The following CTDSPL variants were observed in gnomAD, a reference collection of about 807,000 sequenced individuals.
CTDSPL encodes CTD small phosphatase-like protein.
In CTDSPL, 8 loss-of-function variants were observed where a neutral mutation model predicts 30.5. That is an observed-to-expected ratio of 0.26 (90% CI 0.15 to 0.47). The LOEUF (loss-of-function observed/expected upper bound fraction) is 0.47. CTDSPL is among the 20% of genes least tolerant of loss of function. The pLI is 0.99. For missense variants in CTDSPL, 248 were observed against 366.1 expected (o/e 0.68, Z 2.63); for synonymous variants, 110 against 137.9 (o/e 0.80, Z 1.42).
chr3:37,945,578 T>A (rs1020990656), intron 1 of CTDSPL, among the ~76,000 whole-genome samples: 2 of 152,190 alleles, frequency 1.3e-5, no homozygotes, highest in African/African-American at 4.8e-5. Context: ...TGCCTGGCGG[T>A]CCCAATGGCC....
At chr3:37,980,291 C>T (rs1699474887) in intron 7 of CTDSPL, among the ~76,000 whole-genome samples, 2 of 152,138 alleles carry the variant, frequency 1.3e-5, no homozygotes, top group Admixed American at 1.3e-4. Flanking sequence ...TGTAATATTG[C>T]ACAGTGACCC....
chr3:37,895,982 C>T (rs1052723110), intron 1 of CTDSPL, among the ~76,000 whole-genome samples: 7 of 152,194 alleles, frequency 4.6e-5, no homozygotes, highest in South Asian at 4.1e-4. Flanking sequence ...CTTTTTGATT[C>T]CATGTACACA....
intron 1 of CTDSPL, among the ~76,000 whole-genome samples, chr3:37,885,909 C>T (rs1698257669): frequency 1.3e-5 from 2 of 152,204 alleles, no homozygotes; most frequent in Admixed American, 6.5e-5. Context: ...ACTGAAACTA[C>T]AGCCAAGCAA....
intron 1 of CTDSPL, among the ~76,000 whole-genome samples, chr3:37,933,794 A>G (rs912738731): frequency 6.6e-6 from 1 of 152,230 alleles, no homozygotes; most frequent in African/African-American, 2.4e-5. Flanking sequence ...TTACGAATAC[A>G]TATGGAGCTG....
intron 1 of CTDSPL, among the ~76,000 whole-genome samples, chr3:37,878,720 C>T (rs183253064): frequency 1.2e-4 from 19 of 152,278 alleles, no homozygotes; most frequent in Non-Finnish European, 2.5e-4. Context: ...GGACTTTCTT[C>T]ACTCTTTATT....
chr3:37,937,082 A>T (rs890788562), intron 1 of CTDSPL, among the ~76,000 whole-genome samples: 9 of 150,424 alleles, frequency 6.0e-5, no homozygotes, highest in Non-Finnish European at 1.3e-4. Context: ...AGAAGGAAAG[A>T]GACATCAGTC....
intron 2 of CTDSPL, among the ~76,000 whole-genome samples, chr3:37,955,851 T>C (rs1407581884): frequency 6.6e-6 from 1 of 152,200 alleles, no homozygotes; most frequent in Admixed American, 6.5e-5. Context: ...ATAAAAGTTT[T>C]TTTAAAAGTA....
intron 5 of CTDSPL, chr3:37,969,281 C>T (rs893532081): frequency 2.2e-5 from 10 of 452,336 alleles, no homozygotes; most frequent in African/African-American, 2.0e-4. Flanking sequence ...AGGAGCTCCC[C>T]CACCCTCCAT....
intron 5 of CTDSPL, chr3:37,969,493 C>T (rs373823013): frequency 8.6e-5 from 41 of 478,080 alleles, no homozygotes; most frequent in African/African-American, 4.4e-4. Flanking sequence ...GCCTGGACGC[C>T]GGCATCCGGG....
intron 1 of CTDSPL, among the ~76,000 whole-genome samples, chr3:37,920,923 T>G (rs1002448612): frequency 6.6e-6 from 1 of 152,236 alleles, no homozygotes; most frequent in Non-Finnish European, 1.5e-5. Context: ...CTGCTTCCCC[T>G]GTACTCCTCA....
chr3:37,920,775 G>T (rs910417112), intron 1 of CTDSPL, among the ~76,000 whole-genome samples: 1 of 152,212 alleles, frequency 6.6e-6, no homozygotes, highest in Admixed American at 6.5e-5. Context: ...TAGCTCTAGG[G>T]GATGTAATGT....
At chr3:37,870,553 A>G (rs1698060479) in intron 1 of CTDSPL, among the ~76,000 whole-genome samples, 1 of 151,912 alleles carries the variant, frequency 6.6e-6, no homozygotes, top group Admixed American at 6.6e-5. Flanking sequence ...TCTGTTTTCA[A>G]CTTTGTTGAT....
intron 5 of CTDSPL, 77 bp downstream of exon 5, chr3:37,967,959 A>T: frequency 1.0e-6 from 1 of 982,562 alleles, no homozygotes; most frequent in East Asian, 2.4e-5. Flanking sequence ...TTATTTCTAA[A>T]TTCTCATTTC....
intron 1 of CTDSPL, among the ~76,000 whole-genome samples, chr3:37,863,913 G>A (rs554477683): frequency 6.6e-6 from 1 of 152,318 alleles, no homozygotes; most frequent in Admixed American, 6.5e-5. Flanking sequence ...GCATTTTTCT[G>A]TGCCTTTCAG....
chr3:37,923,485 T>A (rs2125611521), intron 1 of CTDSPL, among the ~76,000 whole-genome samples: 1 of 152,310 alleles, frequency 6.6e-6, no homozygotes, highest in African/African-American at 2.4e-5. Flanking sequence ...GTCCCCAGCG[T>A]GTGGTGTCTA....
intron 1 of CTDSPL, among the ~76,000 whole-genome samples, chr3:37,934,544 G>T (rs1000246504): frequency 6.6e-6 from 1 of 152,160 alleles, no homozygotes; most frequent in African/African-American, 2.4e-5. Context: ...CAACATGTTG[G>T]TATATTTTAC....
At position 37,947,135 on chromosome 3, in the gene CTDSPL, A is replaced by G. The variant is rs769357033; in HGVS notation, c.158A>G (p.Tyr53Cys). ...TCCTTCTTCTGCTGCTTCCGTGATTACAATGTGGAGGCCCCTCCACCCAGC... is the reference window on the plus strand; with the variant it reads ...TCCTTCTTCTGCTGCTTCCGTGATTGCAATGTGGAGGCCCCTCCACCCAGC... ...LSSFFCCFRDYNVEAPPPSSP... is the reference protein window; with the variant it reads ...LSSFFCCFRDCNVEAPPPSSP... The change falls in exon 2 of 8, where the codon TAC (tyrosine) becomes TGC (cysteine). Residue 53 changes from tyrosine to cysteine, a missense_variant. Physicochemically the swap from Tyr to Cys is radical, Grantham distance 194. Transcript: ENST00000273179. The G allele has an allele frequency of 1.2e-6, 2 of 1,613,476 alleles. No homozygotes were observed.
intron 3 of CTDSPL, among the ~76,000 whole-genome samples, chr3:37,961,016 C>T (rs1699239319): frequency 2.0e-5 from 3 of 151,856 alleles, no homozygotes; most frequent in African/African-American, 7.3e-5. Context: ...CCTTTATGCT[C>T]CTTGATTTTA....
intron 1 of CTDSPL, among the ~76,000 whole-genome samples, chr3:37,870,339 T>C (rs895464832): frequency 6.6e-6 from 1 of 152,156 alleles, no homozygotes; most frequent in Non-Finnish European, 1.5e-5. Context: ...CAAATTTGTG[T>C]GTATAGAGCT....
Sources: gnomAD v4.1 joint callset for allele counts (sites outside exome capture counted in the v4.1 genomes callset) on GRCh38, gnomAD v4.1.1 for gene constraint, MANE v1.5 for transcripts, NCBI Gene and HGNC (gene_info 2026-07-23, HGNC 2026-07-21) for gene names.